Variants in CEP112 observed in about 807,000 individuals in gnomAD.
CEP112 encodes centrosomal protein of 112 kDa.
Under a neutral mutation model 153.0 loss-of-function variants are expected in CEP112, and 127 were observed. The observed-to-expected ratio is 0.83, with a 90% CI of 0.72 to 0.96. The LOEUF (loss-of-function observed/expected upper bound fraction) is 0.96, where lower values mean the gene tolerates loss of function less well. Among genes scored for constraint, CEP112 ranks in the 40% least tolerant of loss-of-function variants. The pLI is 0.00. For missense variants in CEP112, 1,089 were observed against 1,101.2 expected (o/e 0.99, Z 0.16); for synonymous variants, 358 against 374.4 (o/e 0.96, Z 0.51).
chr17:65,876,670 C>G (rs2058839081), intron 20 of CEP112, among the ~76,000 whole-genome samples: 1 of 152,046 alleles, frequency 6.6e-6, no homozygotes, highest in Admixed American at 6.6e-5. Flanking sequence ...ACTACATTTT[C>G]TGTTTCTTGA....
At chr17:66,112,874 A>C (rs889703911) in intron 6 of CEP112, among the ~76,000 whole-genome samples, 1 of 152,172 alleles carries the variant, frequency 6.6e-6, no homozygotes, top group Non-Finnish European at 1.5e-5. Context: ...TGAACCCGAG[A>C]AGCGGAGGTT....
At chr17:65,705,302 T>C (rs1242533467) in intron 23 of CEP112, among the ~76,000 whole-genome samples, 7 of 152,222 alleles carry the variant, frequency 4.6e-5, no homozygotes, top group Non-Finnish European at 8.8e-5. Context: ...ACCTACATTA[T>C]TGAGAAGATT....
intron 19 of CEP112, among the ~76,000 whole-genome samples, chr17:65,917,952 G>A (rs2060556283): frequency 1.3e-5 from 2 of 152,080 alleles, no homozygotes; most frequent in South Asian, 4.1e-4. Flanking sequence ...CAAGGCAGGT[G>A]GATTGCCTGA....
At chr17:66,125,815 G>A (rs951652604) in intron 6 of CEP112, among the ~76,000 whole-genome samples, 77 of 152,204 alleles carry the variant, frequency 5.1e-4, no homozygotes, top group African/African-American at 1.7e-3. Flanking sequence ...ACAAATCTCT[G>A]TGTAATTAGA....
chr17:65,668,836 C>T (rs1389603991), intron 24 of CEP112, among the ~76,000 whole-genome samples: 3 of 152,186 alleles, frequency 2.0e-5, no homozygotes, highest in Non-Finnish European at 2.9e-5. Context: ...CAGGCAAGCA[C>T]CACACAAAAT....
Position 66,033,813 on chromosome 17 carries a change from T to A in CEP112, c.1219-3790A>T, listed in dbSNP as rs141114364. On this transcript the variant is annotated intron_variant, in intron 12 of 26. Coordinates refer to ENST00000535342, the MANE Select transcript of CEP112 (RefSeq NM_001199165.4). ...AGCCAAGACATTGCTTTATTTGCACTAGATCTCCTGTTTCTTTCTAGCACA... is the reference window on the plus strand; with the variant it reads ...AGCCAAGACATTGCTTTATTTGCACAAGATCTCCTGTTTCTTTCTAGCACA... Among the ~76,000 whole-genome samples the A allele has an allele frequency of 4.2e-3, 636 of 152,374 alleles. 13 individuals are homozygous for A. Among genetic ancestry groups the A allele is most frequent in the Admixed American group, 0.037 (560 of 15,304 alleles).
intron 3 of CEP112, 153 bp downstream of exon 3, chr17:66,176,677 G>T: frequency 4.1e-6 from 2 of 488,598 alleles, no homozygotes; most frequent in Non-Finnish European, 7.1e-6. Context: ...TTTATTAAAG[G>T]TGGAAAAAAA....
chr17:65,944,052 T>C (rs1219209575), intron 18 of CEP112, among the ~76,000 whole-genome samples: 2 of 152,208 alleles, frequency 1.3e-5, no homozygotes, highest in Non-Finnish European at 2.9e-5. Context: ...AGATCATGTC[T>C]TTGCAGGGAC....
intron 21 of CEP112, among the ~76,000 whole-genome samples, chr17:65,851,553 T>A (rs1455725473): frequency 1.3e-5 from 2 of 152,320 alleles, no homozygotes; most frequent in East Asian, 3.9e-4. Flanking sequence ...GTGTATTTAA[T>A]TACTATGGAA....
At chr17:65,750,525 C>A (rs1455794261) in intron 22 of CEP112, 137 bp downstream of exon 22, 2 of 656,536 alleles carry the variant, frequency 3.0e-6, no homozygotes, top group Non-Finnish European at 5.4e-6. Context: ...TATTTGTATA[C>A]CCATAAAAAT....
chr17:65,847,209 T>A (rs1405247905), intron 21 of CEP112, among the ~76,000 whole-genome samples: 2 of 152,162 alleles, frequency 1.3e-5, no homozygotes, highest in Non-Finnish European at 2.9e-5. Context: ...CCTCTACCCA[T>A]GTCAGCTAAA....
chr17:65,984,481 G>A (rs12452649), intron 17 of CEP112, among the ~76,000 whole-genome samples: 13,334 of 152,190 alleles, frequency 0.088, 786 homozygotes, highest in Middle Eastern at 0.15. Context: ...TCAACCTGCA[G>A]CCCAGGAATT....
chr17:65,838,378 T>C (rs1162899944), intron 21 of CEP112, among the ~76,000 whole-genome samples: 2 of 152,106 alleles, frequency 1.3e-5, no homozygotes, highest in South Asian at 4.1e-4. Flanking sequence ...TCCATGGATA[T>C]TAAACAGCAG....
At chr17:65,929,943 G>GAAA (rs1307025404) in intron 18 of CEP112, among the ~76,000 whole-genome samples, 1 of 152,172 alleles carries the variant, frequency 6.6e-6, no homozygotes, top group Non-Finnish European at 1.5e-5. Context: ...TTACAGTCAT[G>GAAA]AAAAAGCTCT....
At chr17:66,080,344 T>C (rs2067668222) in intron 8 of CEP112, among the ~76,000 whole-genome samples, 1 of 151,950 alleles carries the variant, frequency 6.6e-6, no homozygotes, top group African/African-American at 2.4e-5. Flanking sequence ...CATCAAAAAG[T>C]GGGTGAAGGA....
chr17:66,145,670 A>T (rs556548792), intron 4 of CEP112, among the ~76,000 whole-genome samples: 1 of 152,234 alleles, frequency 6.6e-6, no homozygotes, highest in East Asian at 1.9e-4. Flanking sequence ...TTTCTATTCT[A>T]TTCTATAAAT....
In CEP112 at chr17:66,107,927, T is replaced by C. The variant is rs569484186; in HGVS notation, c.643-11295A>G. ...CAAAGCTACAGTAACCAAAACAGCA[T>C]GGTAGTGGCATAAAAACAGACACAC... is the stretch of plus-strand genomic sequence containing the variant. On this transcript the variant is annotated intron_variant, in intron 6 of 26. Transcript: ENST00000535342. Among the ~76,000 whole-genome samples the C allele has an allele frequency of 3.9e-5, 6 of 152,220 alleles. No individual in the cohort carries two copies. The South Asian group carries it at 6.2e-4, about 16-fold the overall frequency.
intron 17 of CEP112, among the ~76,000 whole-genome samples, chr17:65,994,296 A>G (rs890107691): frequency 6.6e-6 from 1 of 152,136 alleles, no homozygotes; most frequent in Non-Finnish European, 1.5e-5. Context: ...TTTACCTCTC[A>G]ATCTGTGGGA....
At chr17:65,961,813 T>C (rs2062215079) in intron 17 of CEP112, among the ~76,000 whole-genome samples, 1 of 152,236 alleles carries the variant, frequency 6.6e-6, no homozygotes, top group African/African-American at 2.4e-5. Context: ...AAGGCAAAAC[T>C]GCTTTCAAAG....
Sources: allele counts gnomAD v4.1 joint callset (sites outside exome capture counted in the v4.1 genomes callset), GRCh38; gene constraint gnomAD v4.1.1; transcripts MANE v1.5; gene names NCBI Gene and HGNC (gene_info 2026-07-23, HGNC 2026-07-21).